Variants in ZNF536 observed in about 807,000 individuals in gnomAD.
The protein encoded by ZNF536 is zinc finger protein 536.
A neutral mutation model predicts 84.5 loss-of-function variants in ZNF536; 13 were observed. The ratio of observed to expected loss-of-function variants is 0.15; its 90% confidence interval spans 0.10 to 0.24. The LOEUF (loss-of-function observed/expected upper bound fraction) is 0.24, where lower values mean the gene tolerates loss of function less well. Ranked by LOEUF, ZNF536 falls within the 10% of genes least tolerant of loss-of-function variation. The pLI is 1.00. For synonymous variants in ZNF536, 811 were observed against 742.5 expected, an observed-to-expected ratio of 1.09 and a Z score of -1.50; for missense variants, 1,536 against 1,747.5, an observed-to-expected ratio of 0.88 and a Z score of 2.16.
chr19:30,643,403 G>T (rs1224439436), intron 1 of ZNF536, among the ~76,000 whole-genome samples: 5 of 152,198 alleles, frequency 3.3e-5, no homozygotes, highest in Non-Finnish European at 7.3e-5. Context: ...CTGGGGCTTG[G>T]TGGAACATTT....
intron 2 of ZNF536, among the ~76,000 whole-genome samples, chr19:30,527,443 C>A (rs962959176): frequency 1.3e-5 from 2 of 151,800 alleles, no homozygotes; most frequent in Non-Finnish European, 2.9e-5. Context: ...TTGGTAATAA[C>A]CCACGAGCAA....
intron 1 of ZNF536, among the ~76,000 whole-genome samples, chr19:30,681,797 G>T (rs1197350778): frequency 6.6e-6 from 1 of 152,160 alleles, no homozygotes; most frequent in Non-Finnish European, 1.5e-5. Context: ...TCCACCCTCT[G>T]GTCTCTGGGT....
intron 1 of ZNF536, among the ~76,000 whole-genome samples, chr19:30,682,844 C>A (rs367724161): frequency 6.6e-6 from 1 of 152,346 alleles, no homozygotes; most frequent in South Asian, 2.1e-4. Context: ...GGCACCAGCA[C>A]CCTCCTGAAT....
chr19:30,297,429 G>A lies in ZNF536; in HGVS notation c.-120+13288G>A, dbSNP rs371052560. On this transcript the variant is annotated intron_variant, in intron 2 of 5. Transcript: ENST00000585628. Reference sequence around the variant, plus strand: ...GCCACTTCTTTTTGAACCCTTGAAGGTTTTATTACTGAACTTTAAAAAGAA... The same window carrying A: ...GCCACTTCTTTTTGAACCCTTGAAGATTTTATTACTGAACTTTAAAAAGAA... Among the ~76,000 whole-genome samples the A allele has an allele frequency of 2.6e-5, 4 of 152,200 alleles. 1 individual carries two copies. Among genetic ancestry groups the A allele is most frequent in the African/African-American group, 4.8e-5 (2 of 41,520 alleles).
At chr19:30,705,531 G>A (rs2052189512) in intron 1 of ZNF536, among the ~76,000 whole-genome samples, 1 of 152,228 alleles carries the variant, frequency 6.6e-6, no homozygotes, top group East Asian at 1.9e-4. Context: ...AAACCTTCTA[G>A]ATTCACTGTA....
rs1568376408 is a variant in ZNF536 at position 30,383,674 on chromosome 19, TCC to T, written c.-3+11119_-3+11120del. Among the ~76,000 whole-genome samples, 19 of 42,698 alleles carry T rather than the reference TCC, an allele frequency of 4.4e-4. 2 individuals carry two copies. The highest frequency in any genetic ancestry group is 1.3e-3 in the African/African-American group (18 of 14,372). 28.0% of individuals were successfully genotyped at this position (42,698 alleles called of 152,430 possible). Reference sequence around the variant, plus strand: ...TCTTTCTCTCTTTCTCTTTCTTTCTTCCTTTCTTCCTTCCTTTCTTTTCTTTC... The same window carrying T: ...TCTTTCTCTCTTTCTCTTTCTTTCTTTTTCTTCCTTCCTTTCTTTTCTTTC... On this transcript the variant is annotated intron_variant, in intron 1 of 4. Transcript: ENST00000355537.
At position 30,316,079 on chromosome 19, in the gene ZNF536, C is replaced by T. The variant is rs377684101; in HGVS notation, c.-120+31938C>T. Among the ~76,000 whole-genome samples the T allele has an allele frequency of 1.1e-4, 17 of 152,278 alleles. No homozygotes were observed. The East Asian group carries it at 3.3e-3, about 29-fold the overall frequency. On this transcript the variant is annotated intron_variant, in intron 2 of 5. Transcript: ENST00000585628. ...TTTCGACATTACGCTTAAAATGCTGCAGTAAACACTGTATCACGGTAAACA... is the reference window on the plus strand; with the variant it reads ...TTTCGACATTACGCTTAAAATGCTGTAGTAAACACTGTATCACGGTAAACA...
intron 2 of ZNF536, among the ~76,000 whole-genome samples, chr19:30,452,672 G>A (rs145288472): frequency 3.2e-4 from 48 of 152,266 alleles, no homozygotes; most frequent in Admixed American, 5.2e-4. Context: ...TCCTTTACCC[G>A]TAGAGCTGTT....
intron 1 of ZNF536, among the ~76,000 whole-genome samples, chr19:30,585,908 A>G (rs1871810134): frequency 6.6e-6 from 1 of 152,190 alleles, no homozygotes; most frequent in Non-Finnish European, 1.5e-5. Context: ...CTGAAATATC[A>G]GTATTTGTCA....
intron 2 of ZNF536, among the ~76,000 whole-genome samples, chr19:30,531,903 G>A (rs562911531): frequency 6.6e-6 from 1 of 152,066 alleles, no homozygotes; most frequent in Non-Finnish European, 1.5e-5. Flanking sequence ...AGGATTACAG[G>A]TGTGCACCAC....
intron 2 of ZNF536, among the ~76,000 whole-genome samples, chr19:30,308,498 A>C (rs898619530): frequency 1.3e-5 from 2 of 152,080 alleles, no homozygotes; most frequent in Non-Finnish European, 2.9e-5. Flanking sequence ...CTCTAGCTGG[A>C]GAGAAATTCT....
intron 2 of ZNF536, among the ~76,000 whole-genome samples, chr19:30,291,662 T>G (rs539019552): frequency 6.6e-6 from 1 of 152,386 alleles, no homozygotes; most frequent in South Asian, 2.1e-4. Flanking sequence ...ACTGCCATAC[T>G]GTTTTCCATA....
intron 2 of ZNF536, among the ~76,000 whole-genome samples, chr19:30,521,068 C>A (rs149869506): frequency 1.3e-5 from 2 of 152,320 alleles, no homozygotes; most frequent in Non-Finnish European, 2.9e-5. Flanking sequence ...CTCCAGTGAT[C>A]CAACTTTACC....
chr19:30,334,000 C>T (rs1240602344), intron 2 of ZNF536, among the ~76,000 whole-genome samples: 2 of 152,112 alleles, frequency 1.3e-5, no homozygotes, highest in African/African-American at 4.8e-5. Context: ...AACCCCCAAA[C>T]CACCCTTCAG....
intron 1 of ZNF536, among the ~76,000 whole-genome samples, chr19:30,407,283 G>A (rs988075298): frequency 1.2e-4 from 18 of 152,154 alleles, no homozygotes; most frequent in Non-Finnish European, 2.1e-4. Flanking sequence ...ATTACATAAT[G>A]AGCTGATTTC....
intron 2 of ZNF536, among the ~76,000 whole-genome samples, chr19:30,333,344 A>G (rs1196388700): frequency 6.6e-6 from 1 of 152,098 alleles, no homozygotes; most frequent in East Asian, 1.9e-4. Flanking sequence ...AGGGAGCACC[A>G]CCTGATTCTG....
chr19:30,621,315 T>C (rs1012687782), intron 1 of ZNF536, among the ~76,000 whole-genome samples: 3 of 152,074 alleles, frequency 2.0e-5, no homozygotes, highest in African/African-American at 7.2e-5. Flanking sequence ...GCTTCGAAGG[T>C]CTTTCTGGAA....
chr19:30,443,613 T>C lies in ZNF536; in HGVS notation c.51T>C (p.Ala17=), dbSNP rs2148145958. 6.3e-7 allele frequency: 1 copy of C among 1,594,718 alleles called. No individual in the cohort carries two copies. Among genetic ancestry groups the C allele is most frequent in the Non-Finnish European group, 8.5e-7 (1 of 1,172,846 alleles). The change falls in exon 2 of 5, where the codon GCT becomes GCC. Residue 17 remains alanine, a synonymous_variant. Coordinates refer to ENST00000355537, the MANE Select transcript of ZNF536 (RefSeq NM_014717.3). ...CLGVSSAEPE[A]EPHLSGPVLN... ...GAGTGTCTTCGGCGGAGCCGGAAGC[T>C]GAGCCCCACCTGAGTGGCCCCGTCC...
chr19:30,431,305 T>C (rs8102141), intron 1 of ZNF536, among the ~76,000 whole-genome samples: 27,915 of 152,048 alleles, frequency 0.18, 3,782 homozygotes, highest in East Asian at 0.46. Context: ...GGATGCTAAA[T>C]TGGGGACCTC....
Sources: gnomAD v4.1 joint callset for allele counts (sites outside exome capture counted in the v4.1 genomes callset) on GRCh38, gnomAD v4.1.1 for gene constraint, MANE v1.5 for transcripts, NCBI Gene and HGNC (gene_info 2026-07-23, HGNC 2026-07-21) for gene names.